The following FCRL5 variants were observed in gnomAD, a reference collection of about 807,000 sequenced individuals.
FCRL5 encodes Fc receptor-like protein 5.
Under a neutral mutation model 92.1 loss-of-function variants are expected in FCRL5, and 79 were observed. The observed-to-expected ratio is 0.86, with a 90% confidence interval of 0.72 to 1.03. FCRL5 has a LOEUF of 1.03. FCRL5 is among the 50% of genes least tolerant of loss of function. The probability of loss-of-function intolerance (pLI) is 0.00; values close to 1 mark genes in which losing one functional copy is unlikely to be tolerated. For missense variants in FCRL5, 1,160 were observed against 1,181.1 expected (o/e 0.98, Z 0.26); for synonymous variants, 466 against 469.3 (o/e 0.99, Z 0.09).
In FCRL5 at chr1:157,520,502, C is replaced by T. The variant is rs1650127739; in HGVS notation, c.2561G>A (p.Gly854Glu). Residue 854 changes from glycine (G) to glutamate (E), a missense_variant, in exon 12 of 17, where the codon GGG (glycine) becomes GAG (glutamate). Physicochemically the swap from Gly to Glu is moderately conservative, Grantham distance 98 (BLOSUM62 -2). Coordinates refer to ENST00000361835, the MANE Select transcript of FCRL5 (RefSeq NM_031281.3). ...RSGPFATGVA[G>E]GLLSIAGLAA... ...AAGGCCTGCTATGCTGAGCAGGCCC[C>T]CGGCGACTCCTGTGGCAAAAGGGCC... The T allele has an allele frequency of 6.3e-7, 1 of 1,575,518 alleles. No individual in the cohort carries two copies. Among genetic ancestry groups the T allele is most frequent in the Non-Finnish European group, 8.6e-7 (1 of 1,160,330 alleles).
rs1462258099 is a variant in FCRL5 at position 157,514,295 on chromosome 1, ACT to A, written c.*1378_*1379del. 6.6e-6 allele frequency: 1 copy of A among 152,228 alleles called. No homozygotes were observed. Among genetic ancestry groups the A allele is most frequent in the Non-Finnish European group, 1.5e-5 (1 of 68,046 alleles). 9.4% of individuals were successfully genotyped at this position (152,228 alleles called of 1,614,324 possible). On this transcript the variant is annotated 3_prime_UTR_variant, in exon 17 of 17. Transcript: ENST00000361835. The stretch of plus-strand genomic sequence containing the variant: ...CCCATTGCTCAGAGATGGGAGAACA[ACT>A]CTGAATGGAGAGGGCTCAGGTTATA...
chr1:157,533,470 T>C (rs1650790605), intron 8 of FCRL5: 1 of 152,030 alleles, frequency 6.6e-6, no homozygotes, highest in Non-Finnish European at 1.5e-5. Context: ...AATAGCTTTG[T>C]TTTTTTTCCT....
rs1393709904 is a variant in FCRL5 at position 157,520,311 on chromosome 1, G to A, written c.2632+120C>T. 3.2e-5 allele frequency: 22 copies of A among 691,326 alleles called. No individual in the cohort carries two copies. In the Middle Eastern group the frequency reaches 8.7e-4, roughly 27 times the overall value. 42.8% of individuals were successfully genotyped at this position (691,326 alleles called of 1,614,324 possible). A position where few individuals can be genotyped will look rare whatever the true frequency, so the allele number is the denominator to read the frequency against. ...GACCCAGCGGGAAAGGAAGAGGATT[G>A]AGGGACAGAGCGGATGAGCTCTTGC... On this transcript the variant is annotated intron_variant, in intron 12 of 16. Coordinates refer to ENST00000361835, the MANE Select transcript of FCRL5 (RefSeq NM_031281.3).
intron 13 of FCRL5, 156 bp from the exon 14 acceptor site, chr1:157,518,938 T>C: frequency 1.8e-6 from 1 of 558,140 alleles, no homozygotes; most frequent in Non-Finnish European, 3.2e-6. Flanking sequence ...CTATTATGAA[T>C]CATAATCATA....
chr1:157,522,271 A>T (rs2101599986), intron 10 of FCRL5: 1 of 152,336 alleles, frequency 6.6e-6, no homozygotes, highest in Admixed American at 6.5e-5. Context: ...TTTTCATCAC[A>T]AACATTCATG....
chr1:157,544,635 G>A lies in FCRL5; in HGVS notation c.560-89C>T, dbSNP rs962100675. On this transcript the variant is annotated intron_variant, in intron 4 of 16. Coordinates refer to ENST00000361835, the MANE Select transcript of FCRL5 (RefSeq NM_031281.3). The stretch of plus-strand genomic sequence containing the variant: ...ACTTCAAGCAGCAGCACATCCAAAA[G>A]CAGGCAAAGAAAGGAATGCCATTGA... 6.0e-6 allele frequency: 9 copies of A among 1,509,260 alleles called. No individual in the cohort carries two copies. In the African/African-American group the frequency reaches 1.3e-4, roughly 21 times the overall value. The allele number at this position is 1,509,260 out of a possible 1,614,324, so 93.5% of individuals were successfully genotyped here. A position where few individuals can be genotyped will look rare whatever the true frequency, so the allele number is the denominator to read the frequency against.
intron 12 of FCRL5, among the ~76,000 whole-genome samples, 199 bp downstream of exon 12, chr1:157,520,232 C>T (rs1336980306): frequency 6.6e-6 from 1 of 152,140 alleles, no homozygotes; most frequent in Admixed American, 6.5e-5. Flanking sequence ...AAGACGTCTC[C>T]CACCTTATAG....
intron 4 of FCRL5, 117 bp downstream of exon 4, chr1:157,544,714 G>A: frequency 3.4e-6 from 5 of 1,458,706 alleles, no homozygotes; most frequent in Non-Finnish European, 4.7e-6. Flanking sequence ...CTCCTTGCAG[G>A]AATGTGTCCT....
At position 157,513,841 on chromosome 1, in the gene FCRL5, T is replaced by C. The variant is rs920016778; in HGVS notation, c.*1834A>G. On this transcript the variant is annotated 3_prime_UTR_variant, in exon 17 of 17. Coordinates refer to ENST00000361835, the MANE Select transcript of FCRL5 (RefSeq NM_031281.3). ...ACCTCCAGAACAGACTGTGAGCAGATTTTTTTCTTTAATCCTGAGCCTATG... is the reference window on the plus strand; with the variant it reads ...ACCTCCAGAACAGACTGTGAGCAGACTTTTTTCTTTAATCCTGAGCCTATG... 6.6e-6 allele frequency: 1 copy of C among 152,220 alleles called. No individual in the cohort carries two copies. The highest frequency in any genetic ancestry group is 2.4e-5 in the African/African-American group (1 of 41,456). 9.4% of individuals were successfully genotyped at this position (152,220 alleles called of 1,614,324 possible). A position where few individuals can be genotyped will look rare whatever the true frequency, so the allele number is the denominator to read the frequency against.
chr1:157,524,163 C>T, intron 10 of FCRL5, 116 bp downstream of exon 10: 2 of 1,092,474 alleles, frequency 1.8e-6, no homozygotes, highest in Non-Finnish European at 2.7e-6. Context: ...AGGAAGTGTG[C>T]TGGGATGCCA....
chr1:157,539,487 A>G (rs1216958620), intron 6 of FCRL5, 123 bp from the exon 7 acceptor site: 16 of 880,186 alleles, frequency 1.8e-5, no homozygotes, highest in Non-Finnish European at 2.5e-5. Context: ...GCTGGGAACT[A>G]TTTCAGGCAA....
chr1:157,528,766 G>A (rs1650555446), intron 8 of FCRL5: 1 of 152,168 alleles, frequency 6.6e-6, no homozygotes, highest in Non-Finnish European at 1.5e-5. Context: ...ACATGTAGAA[G>A]AATGAAACTG....
chr1:157,549,754 A>G (rs1187652714), intron 1 of FCRL5, among the ~76,000 whole-genome samples, 174 bp from the exon 2 acceptor site: 1 of 152,092 alleles, frequency 6.6e-6, no homozygotes, highest in Admixed American at 6.6e-5. Flanking sequence ...ACATATATAT[A>G]CATATATATA....
chr1:157,518,367 G>A, intron 15 of FCRL5, 62 bp downstream of exon 15: 1 of 1,427,250 alleles, frequency 7.0e-7, no homozygotes, highest in African/African-American at 1.4e-5. Flanking sequence ...TGAGTGGGTA[G>A]AAACTGAGCT....
chr1:157,538,900 A>G (rs1009596262), intron 7 of FCRL5, among the ~76,000 whole-genome samples, 186 bp downstream of exon 7: 6 of 152,222 alleles, frequency 3.9e-5, no homozygotes, highest in African/African-American at 1.4e-4. Context: ...GAAGGCACCC[A>G]GACTGCAATG....
Position 157,518,454 on chromosome 1 carries a change from G to C in FCRL5, c.2787C>G (p.Ile929Met). ...GENVVYSEVR[I>M]IQEKKKHAVA... ...CTGCATGTTTCTTTTTCTCTTGGAT[G>C]ATCCGTACTTCTGAGTAAACCACAT... is the stretch of plus-strand genomic sequence containing the variant. The change falls in exon 15 of 17, where the codon ATC (isoleucine) becomes ATG (methionine). Residue 929 changes from isoleucine (I) to methionine (M), a missense_variant. Coordinates refer to ENST00000361835, the MANE Select transcript of FCRL5 (RefSeq NM_031281.3). 1 of 1,614,098 alleles carries C rather than the reference G, an allele frequency of 6.2e-7. No individual in the cohort carries two copies. The highest frequency in any genetic ancestry group is 2.2e-5 in the East Asian group (1 of 44,890).
chr1:157,550,664 A>G (rs1027049904), intron 1 of FCRL5, among the ~76,000 whole-genome samples: 4 of 152,364 alleles, frequency 2.6e-5, no homozygotes, highest in Admixed American at 2.6e-4. Flanking sequence ...TCCAGGACCT[A>G]TAACGGTGAA....
intron 8 of FCRL5, chr1:157,533,679 AG>A: frequency 6.6e-6 from 1 of 152,358 alleles, no homozygotes; most frequent in South Asian, 2.1e-4. Context: ...GTGACAGTCA[AG>A]AAACAGAAAA....
intron 1 of FCRL5, among the ~76,000 whole-genome samples, chr1:157,551,388 G>A (rs76944197): frequency 2.6e-5 from 4 of 152,094 alleles, no homozygotes; most frequent in African/African-American, 7.2e-5. Flanking sequence ...CTTATATCAC[G>A]CCTGCTCCAT....
Sources: allele counts gnomAD v4.1 joint callset (sites outside exome capture counted in the v4.1 genomes callset), GRCh38; gene constraint gnomAD v4.1.1; transcripts MANE v1.5; gene names NCBI Gene and HGNC (gene_info 2026-07-23, HGNC 2026-07-21).